MICAL3: variants seen among roughly 807,000 people sequenced by gnomAD.
MICAL3 encodes the protein microtubule associated monooxygenase, calponin and LIM domain containing 3.
A neutral mutation model predicts 207.4 loss-of-function variants in MICAL3; 62 were observed. The ratio of observed to expected loss-of-function variants is 0.30; its 90% CI spans 0.24 to 0.37. The LOEUF (loss-of-function observed/expected upper bound fraction) is 0.37, where lower values mean the gene tolerates loss of function less well. Ranked by LOEUF, MICAL3 falls within the 10% of genes least tolerant of loss-of-function variation. The pLI is 1.00. For synonymous variants in MICAL3, 1,077 were observed against 1,069.3 expected (o/e 1.01, Z -0.14); for missense variants, 2,368 against 2,635.6 (o/e 0.90, Z 2.22).
rs555609884 is a variant in MICAL3 at position 17,916,174 on chromosome 22, C to T, written c.-74-9288G>A. 1.0e-3 allele frequency among the ~76,000 whole-genome samples: 153 copies of T among 152,164 alleles called. 1 individual carries two copies. The highest frequency in any genetic ancestry group is 1.3e-3 in the Non-Finnish European group (90 of 67,998). On this transcript the variant is annotated intron_variant, in intron 1 of 31. Transcript: ENST00000441493. Reference sequence around the variant, plus strand: ...TTTCTCCACCTTCTCGGCATTCTTCCGCAAGTTTCTATCGGTAATCAATGT... The same window carrying T: ...TTTCTCCACCTTCTCGGCATTCTTCTGCAAGTTTCTATCGGTAATCAATGT...
chr22:17,989,104 C>T (rs529533083), intron 1 of MICAL3, among the ~76,000 whole-genome samples: 1 of 152,308 alleles, frequency 6.6e-6, no homozygotes, highest in South Asian at 2.1e-4. Context: ...TGTGTTCAAA[C>T]CCCCGGCAGG....
At chr22:17,997,972 T>C (rs923480027) in intron 1 of MICAL3, among the ~76,000 whole-genome samples, 6 of 152,132 alleles carry the variant, frequency 3.9e-5, no homozygotes, top group African/African-American at 1.4e-4. Context: ...GTGTGGATTT[T>C]TTCCCCCTAA....
chr22:17,935,510 C>T (rs9605436), intron 1 of MICAL3, among the ~76,000 whole-genome samples: 89,072 of 152,030 alleles, frequency 0.59, 27,085 homozygotes, highest in African/African-American at 0.75. Flanking sequence ...ATTCAGGACA[C>T]AGGCATGGGC....
chr22:17,865,859 G>C (rs550064004), intron 18 of MICAL3, 65 bp downstream of exon 18: 24 of 1,397,778 alleles, frequency 1.7e-5, no homozygotes, highest in African/African-American at 2.8e-5. Context: ...GGCCGCCCCC[G>C]GCCCATAGCC....
intron 1 of MICAL3, among the ~76,000 whole-genome samples, chr22:17,913,106 ACACT>A (rs111772388): frequency 0.037 from 5,600 of 152,140 alleles, 352 homozygotes; most frequent in African/African-American, 0.13. Context: ...CATCAAGCTG[ACACT>A]CAGCAGGATG....
chr22:18,013,007 G>A (rs1923844237), intron 1 of MICAL3, among the ~76,000 whole-genome samples: 1 of 152,174 alleles, frequency 6.6e-6, no homozygotes, highest in Non-Finnish European at 1.5e-5. Context: ...TGGGGATGGA[G>A]GCACCTTGCT....
chr22:17,825,224 C>CT (rs1922046114), intron 22 of MICAL3, among the ~76,000 whole-genome samples: 1 of 152,136 alleles, frequency 6.6e-6, no homozygotes, highest in South Asian at 2.1e-4. Flanking sequence ...GTCTACACTC[C>CT]TTGGCAGTAC....
intron 29 of MICAL3, among the ~76,000 whole-genome samples, chr22:17,806,043 T>A (rs1309463479): frequency 6.6e-6 from 1 of 152,224 alleles, no homozygotes; most frequent in Non-Finnish European, 1.5e-5. Context: ...ATGTTTTATA[T>A]GCCAACTTTT....
At chr22:17,896,414 G>T in intron 8 of MICAL3, 53 bp from the exon 9 acceptor site, 1 of 1,116,090 alleles carries the variant, frequency 9.0e-7, no homozygotes. Context: ...CTTTCAAAAT[G>T]GGAAAAATAA....
chr22:17,898,302 T>G (rs984865402), intron 7 of MICAL3, among the ~76,000 whole-genome samples: 1 of 152,244 alleles, frequency 6.6e-6, no homozygotes, highest in African/African-American at 2.4e-5. Flanking sequence ...TCCCAGATAA[T>G]TAGCAAGGCA....
intron 19 of MICAL3, chr22:17,864,236 C>T (rs913516418): frequency 3.9e-6 from 4 of 1,026,756 alleles, no homozygotes; most frequent in African/African-American, 1.7e-5. Flanking sequence ...CACCTCCCAA[C>T]ACAAGGAAGT....
intron 24 of MICAL3, 34 bp from the exon 25 acceptor site, chr22:17,821,543 A>T (rs1202648796): frequency 6.6e-7 from 1 of 1,516,990 alleles, no homozygotes; most frequent in South Asian, 1.2e-5. Context: ...TTACAAGAGG[A>T]AGCCCCCCCA....
chr22:17,930,341 A>G (rs1359813519), intron 1 of MICAL3, among the ~76,000 whole-genome samples: 1 of 152,270 alleles, frequency 6.6e-6, no homozygotes, highest in Non-Finnish European at 1.5e-5. Flanking sequence ...TATGTTAGCC[A>G]AAAGACAAGT....
chr22:17,929,610 C>G (rs1933140234), intron 1 of MICAL3, among the ~76,000 whole-genome samples: 1 of 133,450 alleles, frequency 7.5e-6, no homozygotes, highest in Non-Finnish European at 1.5e-5. Flanking sequence ...CTCTGTTGCC[C>G]AGGTTGGAGT....
intron 1 of MICAL3, among the ~76,000 whole-genome samples, chr22:17,979,723 G>C (rs1935819137): frequency 2.6e-5 from 4 of 151,438 alleles, no homozygotes; most frequent in Admixed American, 2.6e-4. Flanking sequence ...GCTGATCTCT[G>C]TCTAAAGTCT....
chr22:17,797,784 C>T (rs969512000), intron 29 of MICAL3, among the ~76,000 whole-genome samples: 5 of 152,220 alleles, frequency 3.3e-5, no homozygotes, highest in African/African-American at 7.2e-5. Flanking sequence ...CCAAACGCAC[C>T]GGCCACCAAC....
Position 17,906,597 on chromosome 22 carries a change from C to T in MICAL3, c.216G>A (p.Arg72=). 6.2e-7 allele frequency: 1 copy of T among 1,613,550 alleles called. No homozygotes were observed. ...CCTTTTTGTAGTCTTTGTGACTGCC[C>T]CGTTTGTCCAATTTTGCCCAGAGGG... is the stretch of plus-strand genomic sequence containing the variant. The part of the protein sequence containing the change: ...AKALWAKLDK[R]GSHKDYKKGK... The change falls in exon 2 of 32, where the codon CGG becomes CGA. Residue 72 remains arginine (R), a synonymous_variant. Transcript: ENST00000441493.
In MICAL3 at chr22:17,819,076, C is replaced by T; in HGVS notation, c.3585G>A (p.Glu1195=). The change falls in exon 26 of 32, where the codon GAG becomes GAA. Residue 1195 remains glutamate (E), a synonymous_variant. Transcript: ENST00000441493. ...PAATQEKSPE[E]RLFPEPLLPK... is the part of the protein sequence containing the mutation. Reference sequence around the variant, plus strand: ...GGAGCAAAGGCTCAGGGAAAAGGCGCTCCTCAGGTGATTTCTCCTGGGTGG... The same window carrying T: ...GGAGCAAAGGCTCAGGGAAAAGGCGTTCCTCAGGTGATTTCTCCTGGGTGG... 3 of 1,547,468 alleles carry T rather than the reference C, an allele frequency of 1.9e-6. No homozygotes were observed. Among genetic ancestry groups the T allele is most frequent in the East Asian group, 4.5e-5 (2 of 44,020 alleles).
At chr22:17,868,490 G>A (rs908287360) in intron 17 of MICAL3, among the ~76,000 whole-genome samples, 21 of 152,172 alleles carry the variant, frequency 1.4e-4, no homozygotes, top group East Asian at 3.9e-4. Flanking sequence ...CCTGCCCAGC[G>A]TGTCCCACAG....
Sources: allele counts gnomAD v4.1 joint callset (sites outside exome capture counted in the v4.1 genomes callset), GRCh38; gene constraint gnomAD v4.1.1; transcripts MANE v1.5; gene names NCBI Gene and HGNC (gene_info 2026-07-23, HGNC 2026-07-21).